UGT2B17: variants seen among roughly 807,000 people sequenced by gnomAD.
UGT2B17 encodes the protein UDP-glucuronosyltransferase 2B17.
UGT2B17 carries 21 observed loss-of-function variants against 48.2 expected under a neutral mutation model. That is an observed-to-expected ratio of 0.44 (90% CI 0.31 to 0.63). The LOEUF (loss-of-function observed/expected upper bound fraction) is 0.63, where lower values mean the gene tolerates loss of function less well. Among genes scored for constraint, UGT2B17 ranks in the 20% least tolerant of loss-of-function variants. The probability of loss-of-function intolerance (pLI) is 0.08; values close to 1 mark genes in which losing one functional copy is unlikely to be tolerated. For synonymous variants in UGT2B17, 146 were observed against 238.4 expected (o/e 0.61, Z 3.57); for missense variants, 402 against 696.1 (o/e 0.58, Z 4.75).
rs549154703 is a variant in UGT2B17, at chr4:68,545,549, G to A, written c.1313+5128C>T. Reference sequence around the variant, plus strand: ...CAAGAGCAAACACATTCAAAAGCTAGCAGAAGGCAAGAAATAACTAAAATC... The same window carrying A: ...CAAGAGCAAACACATTCAAAAGCTAACAGAAGGCAAGAAATAACTAAAATC... On this transcript the variant is annotated intron_variant, in intron 6 of 6. Coordinates refer to ENST00000317746, the MANE Select transcript of UGT2B17 (RefSeq NM_001077.4). Among the ~76,000 whole-genome samples the A allele has an allele frequency of 1.0e-4, 13 of 125,524 alleles. 3 individuals carry two copies. The South Asian group carries it at 3.8e-3, about 36-fold the overall frequency. The allele number at this position is 125,524 out of a possible 152,430, so 82.3% of individuals were successfully genotyped here. A position where few individuals can be genotyped will look rare whatever the true frequency, so the allele number is the denominator to read the frequency against.
rs1186323106 is a variant in UGT2B17, at chr4:68,548,899, A to G, written c.1313+1778T>C. On this transcript the variant is annotated intron_variant, in intron 6 of 6. Coordinates refer to ENST00000317746, the MANE Select transcript of UGT2B17 (RefSeq NM_001077.4). ...GTTGCTTATCAGCTTAAGGAATTTTAGAACTGAGATGAAGGGGTTTTCTAA... is the reference window on the plus strand; with the variant it reads ...GTTGCTTATCAGCTTAAGGAATTTTGGAACTGAGATGAAGGGGTTTTCTAA... Among the ~76,000 whole-genome samples, 7 of 124,926 alleles carry G rather than the reference A, an allele frequency of 5.6e-5. 2 individuals are homozygous for G. Among genetic ancestry groups the G allele is most frequent in the Middle Eastern group, 4.0e-3 (1 of 248 alleles). The allele number at this position is 124,926 out of a possible 152,430, so 82.0% of individuals were successfully genotyped here.
intron 6 of UGT2B17, among the ~76,000 whole-genome samples, chr4:68,542,647 C>T (rs1438317991): frequency 7.9e-6 from 1 of 126,954 alleles, no homozygotes; most frequent in African/African-American, 2.7e-5. Flanking sequence ...CGAGGCATTG[C>T]CTCATCAGGG....
In UGT2B17 at chr4:68,557,298, G is replaced by C. The variant is rs1372748469; in HGVS notation, c.1005+3239C>G. Among the ~76,000 whole-genome samples, 2 of 124,260 alleles carry C rather than the reference G, an allele frequency of 1.6e-5. 1 individual carries two copies. Among genetic ancestry groups the C allele is most frequent in the Admixed American group, 1.7e-4 (2 of 12,068 alleles). The allele number at this position is 124,260 out of a possible 152,430, so 81.5% of individuals were successfully genotyped here. A position where few individuals can be genotyped will look rare whatever the true frequency, so the allele number is the denominator to read the frequency against. On this transcript the variant is annotated intron_variant, in intron 4 of 6. Transcript: ENST00000317746. Reference sequence around the variant, plus strand: ...CTGACTTTGGTCCTCTTTAGAAGGCGATTTTATACTCAGCCATGAAATTCT... The same window carrying C: ...CTGACTTTGGTCCTCTTTAGAAGGCCATTTTATACTCAGCCATGAAATTCT...
chr4:68,574,484 G>T lies in UGT2B17; in HGVS notation c.-65+1467C>A, dbSNP rs535122080. Reference sequence around the variant, plus strand: ...TGATGCTTTAAGGAAAAAACCTGTTGCATTTTTACTTTCATGTCTAGTTCA... The same window carrying T: ...TGATGCTTTAAGGAAAAAACCTGTTTCATTTTTACTTTCATGTCTAGTTCA... On this transcript the variant is annotated intron_variant, in intron 1 of 6. Coordinates refer to ENST00000317746, the MANE Select transcript of UGT2B17 (RefSeq NM_001077.4). Among the ~76,000 whole-genome samples the T allele has an allele frequency of 3.2e-5, 4 of 126,584 alleles. 1 individual carries two copies. Among genetic ancestry groups the T allele is most frequent in the Non-Finnish European group, 6.7e-5 (4 of 59,654 alleles). The allele number at this position is 126,584 out of a possible 152,430, so 83.0% of individuals were successfully genotyped here.
At chr4:68,538,508 C>G (rs1730594438) in intron 6 of UGT2B17, among the ~76,000 whole-genome samples, 1 of 125,520 alleles carries the variant, frequency 8.0e-6, no homozygotes, top group Non-Finnish European at 1.7e-5. Flanking sequence ...AAAGTGTTGG[C>G]CCTACAGACA....
rs774593576 is a variant in UGT2B17 at position 68,575,223 on chromosome 4, C to T, written c.-65+728G>A. ...TTTTTCTCTGCTGGTCTTTCCTTGC[C>T]TCTGCCAGCTGCTTATGCTGCTGTT... On this transcript the variant is annotated intron_variant, in intron 1 of 6. Transcript: ENST00000317746. Among the ~76,000 whole-genome samples, 2 of 91,084 alleles carry T rather than the reference C, an allele frequency of 2.2e-5. 1 individual carries two copies. Among genetic ancestry groups the T allele is most frequent in the Admixed American group, 2.4e-4 (2 of 8,314 alleles). 59.8% of individuals were successfully genotyped at this position (91,084 alleles called of 152,430 possible).
intron 6 of UGT2B17, among the ~76,000 whole-genome samples, chr4:68,545,744 C>A (rs1730790125): frequency 8.0e-6 from 1 of 125,210 alleles, no homozygotes; most frequent in Non-Finnish European, 1.7e-5. Context: ...AAGGGGGTAT[C>A]ACCACCGATT....
At chr4:68,538,849 G>C (rs2109756832) in intron 6 of UGT2B17, among the ~76,000 whole-genome samples, 1 of 125,706 alleles carries the variant, frequency 8.0e-6, no homozygotes, top group South Asian at 3.7e-4. Context: ...TTAAACTCCT[G>C]AAGGTGTTCT....
Position 68,561,290 on chromosome 4 carries a change from C to T in UGT2B17, c.874-622G>A, listed in dbSNP as rs1282434065. On this transcript the variant is annotated intron_variant, in intron 3 of 6. Transcript: ENST00000317746. ...TACCCCTCACTTCCCCCGACACCCCCACCCCCAAAAAACACCTTAAAAGCT... is the reference window on the plus strand; with the variant it reads ...TACCCCTCACTTCCCCCGACACCCCTACCCCCAAAAAACACCTTAAAAGCT... Among the ~76,000 whole-genome samples the T allele has an allele frequency of 1.7e-5, 2 of 120,672 alleles. 1 individual carries two copies. The highest frequency in any genetic ancestry group is 3.5e-5 in the Non-Finnish European group (2 of 57,868). 79.2% of individuals were successfully genotyped at this position (120,672 alleles called of 152,430 possible). A position where few individuals can be genotyped will look rare whatever the true frequency, so the allele number is the denominator to read the frequency against.
rs1405536366 is a variant in UGT2B17 at position 68,561,295 on chromosome 4, C to A, written c.874-627G>T. 3.3e-5 allele frequency among the ~76,000 whole-genome samples: 4 copies of A among 121,224 alleles called. 2 individuals are homozygous for A. The highest frequency in any genetic ancestry group is 6.9e-5 in the Non-Finnish European group (4 of 58,024). The allele number at this position is 121,224 out of a possible 152,430, so 79.5% of individuals were successfully genotyped here. A position where few individuals can be genotyped will look rare whatever the true frequency, so the allele number is the denominator to read the frequency against. On this transcript the variant is annotated intron_variant, in intron 3 of 6. Coordinates refer to ENST00000317746, the MANE Select transcript of UGT2B17 (RefSeq NM_001077.4). ...CTCACTTCCCCCGACACCCCCACCC[C>A]CAAAAAACACCTTAAAAGCTGAAGT...
At chr4:68,553,558 A>G (rs1730952136) in intron 4 of UGT2B17, among the ~76,000 whole-genome samples, 1 of 124,756 alleles carries the variant, frequency 8.0e-6, no homozygotes, top group African/African-American at 2.7e-5. Flanking sequence ...TCCTATGTTG[A>G]ATGACCTGAT....
rs2109759272 is a variant in UGT2B17 at position 68,542,494 on chromosome 4, T to G, written c.1314-4590A>C. 1.6e-5 allele frequency among the ~76,000 whole-genome samples: 2 copies of G among 126,966 alleles called. 1 individual carries two copies. Among genetic ancestry groups the G allele is most frequent in the African/African-American group, 5.4e-5 (2 of 37,304 alleles). The allele number at this position is 126,966 out of a possible 152,430, so 83.3% of individuals were successfully genotyped here. On this transcript the variant is annotated intron_variant, in intron 6 of 6. Coordinates refer to ENST00000317746, the MANE Select transcript of UGT2B17 (RefSeq NM_001077.4). ...GATGGCCGAATAAGAACAGCTCCAG[T>G]CTACAGCTCCCAGTGTGAATGACAC...
intron 1 of UGT2B17, among the ~76,000 whole-genome samples, chr4:68,571,936 A>G (rs568194609): frequency 8.0e-6 from 1 of 125,000 alleles, no homozygotes; most frequent in African/African-American, 2.7e-5. Context: ...GTCCCTTTTT[A>G]TCCATGTCTA....
chr4:68,568,402 A>C lies in UGT2B17; in HGVS notation c.83T>G (p.Val28Gly). 1 of 1,373,702 alleles carries C rather than the reference A, an allele frequency of 7.3e-7. No homozygotes were observed. The highest frequency in any genetic ancestry group is 9.5e-7 in the Non-Finnish European group (1 of 1,053,888). 85.1% of individuals were successfully genotyped at this position (1,373,702 alleles called of 1,614,324 possible). The change falls in exon 2 of 7, where the codon GTG becomes GGG. Residue 28 changes from valine to glycine, a missense_variant. Transcript: ENST00000317746. ...CCAATGGCTGTATTCTGTGGGCCAC[A>C]CCAGCACCTTTCCACAACTCCCAGA... is the stretch of plus-strand genomic sequence containing the variant. ...FSSGSCGKVL[V>G]WPTEYSHWIN...
chr4:68,566,094 A>AT (rs1731196436), intron 2 of UGT2B17, among the ~76,000 whole-genome samples: 4 of 119,014 alleles, frequency 3.4e-5, no homozygotes, highest in African/African-American at 1.1e-4. Flanking sequence ...TAAAGTTAAT[A>AT]AAATTAAACA....
rs145791375 is a variant in UGT2B17 at position 68,567,761 on chromosome 4, C to G, written c.724G>C (p.Gly242Arg). The G allele has an allele frequency of 7.9e-4, 1,053 of 1,329,940 alleles. 249 individuals carry two copies. The highest frequency in any genetic ancestry group is 9.6e-4 in the Non-Finnish European group (991 of 1,034,440). The allele number at this position is 1,329,940 out of a possible 1,614,324, so 82.4% of individuals were successfully genotyped here. The change falls in exon 2 of 7, where the codon GGA (glycine) becomes CGA (arginine). Residue 242 changes from glycine to arginine, a missense_variant and splice_region_variant. Around this residue, in one of 5 missense-constraint regions of UGT2B17, gnomAD observed 106 missense variants for 169.8 expected, o/e 0.62. Transcript: ENST00000317746. ...AACACCAATTGGACACACGACTTACCTAGAACTTCACTATAAAACTGGTCC... is the reference window on the plus strand; with the variant it reads ...AACACCAATTGGACACACGACTTACGTAGAACTTCACTATAAAACTGGTCC... ...KWDQFYSEVL[G>R]RPTTLFETMG...
In UGT2B17 at chr4:68,567,816, A is replaced by C; in HGVS notation, c.669T>G (p.Phe223Leu). Residue 223 changes from phenylalanine to leucine, a missense_variant, in exon 2 of 7, where the codon TTT becomes TTG. Around this residue, in one of 5 missense-constraint regions of UGT2B17, gnomAD observed 106 missense variants for 169.8 expected, o/e 0.62. Transcript: ENST00000317746. ...TCTTCAGATCATATGCTTGAAACCAAAAGTCAAAATAAAGCATATATATCA... is the reference window on the plus strand; with the variant it reads ...TCTTCAGATCATATGCTTGAAACCACAAGTCAAAATAAAGCATATATATCA... The part of the protein sequence containing the change: ...KNMIYMLYFD[F>L]WFQAYDLKKW... 7.3e-7 allele frequency: 1 copy of C among 1,368,038 alleles called. No individual in the cohort carries two copies. The highest frequency in any genetic ancestry group is 9.5e-7 in the Non-Finnish European group (1 of 1,051,112). 84.7% of individuals were successfully genotyped at this position (1,368,038 alleles called of 1,614,324 possible). A position where few individuals can be genotyped will look rare whatever the true frequency, so the allele number is the denominator to read the frequency against.
chr4:68,546,848 A>C (rs1271503005), intron 6 of UGT2B17, among the ~76,000 whole-genome samples: 1 of 123,998 alleles, frequency 8.1e-6, no homozygotes, highest in Admixed American at 8.4e-5. Context: ...AGAATAAAAT[A>C]CCTAGGAATC....
chr4:68,558,591 A>G (rs1417143397), intron 4 of UGT2B17, among the ~76,000 whole-genome samples: 3 of 125,076 alleles, frequency 2.4e-5, no homozygotes, highest in Non-Finnish European at 1.7e-5. Context: ...TCCTCCCTTT[A>G]TTTTGTCTTC....
Sources: gnomAD v4.1 joint callset for allele counts (sites outside exome capture counted in the v4.1 genomes callset) on GRCh38, gnomAD v4.1.1 for gene constraint, gnomAD v4.1.1 regional missense constraint, MANE v1.5 for transcripts, NCBI Gene and HGNC (gene_info 2026-07-23, HGNC 2026-07-21) for gene names.